SPTAN1: variants seen among roughly 807,000 people sequenced by gnomAD.
The protein encoded by SPTAN1 is spectrin alpha chain, non-erythrocytic 1.
A neutral mutation model predicts 331.3 loss-of-function variants in SPTAN1; 61 were observed. The ratio of observed to expected loss-of-function variants is 0.18; its 90% CI spans 0.15 to 0.23. SPTAN1 has a LOEUF of 0.23. Ranked by LOEUF, SPTAN1 falls within the 10% of genes least tolerant of loss-of-function variation. The pLI is 1.00. For missense variants in SPTAN1, 2,043 were observed against 3,147.9 expected (o/e 0.65, Z 8.40); for synonymous variants, 1,153 against 1,173.9 (o/e 0.98, Z 0.36).
intron 24 of SPTAN1, among the ~76,000 whole-genome samples, 172 bp from the exon 25 acceptor site, chr9:128,598,228 G>A (rs953145884): frequency 6.6e-5 from 10 of 151,928 alleles, no homozygotes; most frequent in Admixed American, 1.3e-4. Flanking sequence ...GATTACAGGC[G>A]TGAGCCACCA....
chr9:128,622,325 G>A (rs1184619003), intron 45 of SPTAN1, among the ~76,000 whole-genome samples: 2 of 140,348 alleles, frequency 1.4e-5, no homozygotes, highest in South Asian at 4.6e-4. Flanking sequence ...TTGCGACGGA[G>A]TTTCGCTCTT....
intron 44 of SPTAN1, among the ~76,000 whole-genome samples, chr9:128,619,589 G>A (rs1165396405): frequency 6.6e-6 from 1 of 152,194 alleles, no homozygotes; most frequent in East Asian, 1.9e-4. Flanking sequence ...CACTCTGTGT[G>A]TCTATTCACA....
rs1857398448 is a variant in SPTAN1, at chr9:128,618,100, A to C, written c.5592A>C (p.Ala1864=). 7 of 1,613,462 alleles carry C rather than the reference A, an allele frequency of 4.3e-6. No individual in the cohort carries two copies. Among genetic ancestry groups the C allele is most frequent in the Non-Finnish European group, 5.9e-6 (7 of 1,179,896 alleles). ...VEHWKELKQL[A]AARGQRLEES... is the part of the protein sequence containing the mutation. ...ACTGGAAAGAGCTGAAGCAGCTGGC[A>C]GCTGCCCGGTGAGTAGTCAGAGGCA... Residue 1864 remains alanine, a synonymous_variant, in exon 43 of 57, where the codon GCA becomes GCC. Coordinates refer to ENST00000372739, the MANE Select transcript of SPTAN1 (RefSeq NM_001130438.3).
Position 128,621,223 on chromosome 9 carries a change from T to C in SPTAN1, c.5799T>C (p.Asp1933=), listed in dbSNP as rs2131851386. The C allele has an allele frequency of 6.2e-7, 1 of 1,614,028 alleles. No individual in the cohort carries two copies. The highest frequency in any genetic ancestry group is 8.5e-7 in the Non-Finnish European group (1 of 1,180,032). ...CCGTCCACAAGGATCGCGTGAATGA[T>C]GTCTGCACCAATGGACAAGACCTCA... ...DFTVHKDRVN[D]VCTNGQDLIK... The change falls in exon 45 of 57, where the codon GAT becomes GAC. Residue 1933 remains aspartate, a synonymous_variant. Transcript: ENST00000372739.
chr9:128,599,980 G>T, intron 26 of SPTAN1, 100 bp from the exon 27 acceptor site: 1 of 1,232,998 alleles, frequency 8.1e-7, no homozygotes, highest in South Asian at 1.2e-5. Flanking sequence ...TAGTATCTGG[G>T]ATCTCCCCTG....
rs1490270574 is a variant in SPTAN1 at position 128,611,834 on chromosome 9, G to A, written c.4894G>A (p.Asp1632Asn). 1 of 1,614,194 alleles carries A rather than the reference G, an allele frequency of 6.2e-7. No individual in the cohort carries two copies. The highest frequency in any genetic ancestry group is 8.5e-7 in the Non-Finnish European group (1 of 1,180,052). The change falls in exon 38 of 57, where the codon GAT becomes AAT. Residue 1632 changes from aspartate (D) to asparagine (N), a missense_variant. This residue lies in a region of SPTAN1 where 323 missense variants were observed against 581.1 expected (regional missense o/e 0.56). Coordinates refer to ENST00000372739, the MANE Select transcript of SPTAN1 (RefSeq NM_001130438.3). ...ACGTGGAGCCTGTGCCGGCAGTGAG[G>A]ATGCTGTCAAGGTATGGCCCACCAG... is the stretch of plus-strand genomic sequence containing the variant. Reference protein sequence around the residue: ...IERGACAGSEDAVKARLAALA... With the variant: ...IERGACAGSENAVKARLAALA...
rs774527953 is a variant in SPTAN1, at chr9:128,611,786, G to A, written c.4846G>A (p.Asp1616Asn). The A allele has an allele frequency of 3.7e-6, 6 of 1,614,026 alleles. No individual in the cohort carries two copies. The highest frequency in any genetic ancestry group is 1.1e-5 in the South Asian group (1 of 91,088). The change falls in exon 38 of 57, where the codon GAC becomes AAC. Residue 1616 changes from aspartate to asparagine, a missense_variant. This residue lies in a region of SPTAN1 where 323 missense variants were observed against 581.1 expected (regional missense o/e 0.56). Coordinates refer to ENST00000372739, the MANE Select transcript of SPTAN1 (RefSeq NM_001130438.3). ...CGCTGACCGGATCCGTGGGGTTATC[G>A]ACATGGGCAACTCCCTCATTGAACG... ...ANADRIRGVI[D>N]MGNSLIERGA...
chr9:128,592,423 T>A (rs1055934416), intron 22 of SPTAN1, among the ~76,000 whole-genome samples: 1 of 152,106 alleles, frequency 6.6e-6, no homozygotes, highest in South Asian at 2.1e-4. Context: ...TGCTGGCACA[T>A]GCCACCATGC....
rs757354191 is a variant in SPTAN1 at position 128,625,939 on chromosome 9, C to A, written c.6240C>A (p.Arg2080=). The A allele has an allele frequency of 1.2e-6, 2 of 1,614,156 alleles. No individual in the cohort carries two copies. Among genetic ancestry groups the A allele is most frequent in the South Asian group, 1.1e-5 (1 of 91,084 alleles). Residue 2080 remains arginine (R), a synonymous_variant, in exon 48 of 57, where the codon CGC becomes CGA. Transcript: ENST00000372739. The surrounding 1 kb of genome is among the most constrained non-coding windows in gnomAD (Gnocchi z 4.1). The part of the protein sequence containing the change: ...WSQLLANSAA[R]KKKLLEAQSH... ...AGCTTCTGGCCAACTCAGCCGCCCGCAAGAAGAAGCTTCTGGAGGCTCAGA... is the reference window on the plus strand; with the variant it reads ...AGCTTCTGGCCAACTCAGCCGCCCGAAAGAAGAAGCTTCTGGAGGCTCAGA...
chr9:128,599,139 A>G (rs537568513), intron 26 of SPTAN1, 153 bp downstream of exon 26: 8 of 826,268 alleles, frequency 9.7e-6, no homozygotes, highest in South Asian at 6.9e-5. Context: ...CCAAAAATTG[A>G]TTTCTTTTTT....
chr9:128,610,296 G>C (rs901724237), intron 37 of SPTAN1, among the ~76,000 whole-genome samples: 1 of 152,220 alleles, frequency 6.6e-6, no homozygotes, highest in Admixed American at 6.5e-5. Flanking sequence ...AAGAAATGAA[G>C]ATAGAGAAGA....
At position 128,607,951 on chromosome 9, in the gene SPTAN1, A is replaced by C; in HGVS notation, c.4246A>C (p.Ile1416Leu). The change falls in exon 33 of 57, where the codon ATC becomes CTC. Residue 1416 changes from isoleucine to leucine, a missense_variant. By Grantham distance (5) the Ile-to-Leu change is conservative. Transcript: ENST00000372739. ...LAHGHYASPEIKQKLDILDQE... is the reference protein window; with the variant it reads ...LAHGHYASPELKQKLDILDQE... The stretch of plus-strand genomic sequence containing the variant: ...TCACGGACACTATGCCAGCCCTGAG[A>C]TCAAGCAGAAACTTGATATTCTTGA... The C allele has an allele frequency of 6.2e-7, 1 of 1,614,074 alleles. No homozygotes were observed. The highest frequency in any genetic ancestry group is 8.5e-7 in the Non-Finnish European group (1 of 1,180,016).
At chr9:128,557,434 C>T (rs1327144544) in intron 1 of SPTAN1, among the ~76,000 whole-genome samples, 3 of 152,242 alleles carry the variant, frequency 2.0e-5, no homozygotes, top group South Asian at 2.1e-4. Context: ...ACCTTTGGTT[C>T]GAAAATGTTT....
intron 46 of SPTAN1, 29 bp downstream of exon 46, chr9:128,624,516 G>A (rs1286488225): frequency 2.5e-6 from 4 of 1,611,072 alleles, no homozygotes; most frequent in Non-Finnish European, 3.4e-6. Flanking sequence ...GCCCGGAAGA[G>A]CCTTCCCAGA....
chr9:128,577,252 T>A lies in SPTAN1; in HGVS notation c.909T>A (p.Asp303Glu), dbSNP rs761676912. 3.7e-6 allele frequency: 6 copies of A among 1,614,072 alleles called. No individual in the cohort carries two copies. The highest frequency in any genetic ancestry group is 5.1e-6 in the Non-Finnish European group (6 of 1,180,040). ...GGAAGCACGAGGGTCTGGAGAGAGA[T>A]CTTGCTGCTCTAGAAGACAAGGTGG... ...LLRKHEGLER[D>E]LAALEDKVKA... is the part of the protein sequence containing the mutation. Residue 303 changes from aspartate to glutamate, a missense_variant, in exon 7 of 57, where the codon GAT becomes GAA. This residue lies in a region of SPTAN1 where 1,038 missense variants were observed against 1,531.5 expected (regional missense o/e 0.68). Transcript: ENST00000372739. The surrounding 1 kb of genome is among the most constrained non-coding windows in gnomAD (Gnocchi z 4.2).
rs777701049 is a variant in SPTAN1 at position 128,627,635 on chromosome 9, G to A, written c.6689+137G>A. ...CTGGGAATAAAGCTGGGCTGGCAACGCCTGGTCGGGCTCTGGAGCCGGGAG... is the reference window on the plus strand; with the variant it reads ...CTGGGAATAAAGCTGGGCTGGCAACACCTGGTCGGGCTCTGGAGCCGGGAG... On this transcript the variant is annotated intron_variant, in intron 50 of 56. Coordinates refer to ENST00000372739, the MANE Select transcript of SPTAN1 (RefSeq NM_001130438.3). This position sits in a 1 kb window ranked among gnomAD's most constrained non-coding sequence, Gnocchi z 4.9. The A allele has an allele frequency of 1.7e-5, 16 of 919,958 alleles. No homozygotes were observed. Among genetic ancestry groups the A allele is most frequent in the Non-Finnish European group, 2.4e-5 (14 of 579,910 alleles). 57.0% of individuals were successfully genotyped at this position (919,958 alleles called of 1,614,324 possible).
At chr9:128,593,944 T>C in intron 23 of SPTAN1, 1 of 551,850 alleles carries the variant, frequency 1.8e-6, no homozygotes, top group Non-Finnish European at 3.3e-6. Context: ...TGTGCCTGGC[T>C]GTTCTAGCCA....
intron 2 of SPTAN1, among the ~76,000 whole-genome samples, chr9:128,568,353 A>G (rs1011243246): frequency 6.6e-6 from 1 of 152,318 alleles, no homozygotes; most frequent in East Asian, 1.9e-4. Flanking sequence ...AGAAAGTCTC[A>G]TGTGTGAGTG....
chr9:128,619,158 A>G (rs1273331242), intron 44 of SPTAN1, among the ~76,000 whole-genome samples, 155 bp downstream of exon 44: 1 of 152,092 alleles, frequency 6.6e-6, no homozygotes, highest in Admixed American at 6.5e-5. Context: ...AGCCCTCAAG[A>G]TCTCACACTA....
Sources: gnomAD v4.1 joint callset for allele counts (sites outside exome capture counted in the v4.1 genomes callset) on GRCh38, gnomAD v4.1.1 for gene constraint, gnomAD v4.1.1 regional missense constraint, Gnocchi (gnomAD v3.1) non-coding constraint, MANE v1.5 for transcripts, NCBI Gene and HGNC (gene_info 2026-07-23, HGNC 2026-07-21) for gene names.